GAD2: variants seen among roughly 807,000 people sequenced by gnomAD.
GAD2 encodes the protein glutamate decarboxylase 2.
GAD2 carries 22 observed loss-of-function variants against 80.1 expected under a neutral mutation model. The ratio of observed to expected loss-of-function variants is 0.27; its 90% confidence interval spans 0.20 to 0.39. The LOEUF (loss-of-function observed/expected upper bound fraction) is 0.39. Among genes scored for constraint, GAD2 ranks in the 10% least tolerant of loss-of-function variants. GAD2 has a pLI of 1.00. For synonymous variants in GAD2, 274 were observed against 256.9 expected (o/e 1.07, Z -0.64); for missense variants, 624 against 738.4 (o/e 0.85, Z 1.80).
chr10:26,273,711 T>C lies in GAD2; in HGVS notation c.1157+11T>C. 6.2e-7 allele frequency: 1 copy of C among 1,609,540 alleles called. No homozygotes were observed. The highest frequency in any genetic ancestry group is 1.1e-5 in the South Asian group (1 of 90,558). On this transcript the variant is annotated intron_variant, in intron 11 of 15. Coordinates refer to ENST00000376261, the MANE Select transcript of GAD2 (RefSeq NM_001134366.2). Reference sequence around the variant, plus strand: ...GAGTGGCGTGGAGAGGTATGTTGCATTTTTCTTATTAACAACATAAAGTGT... The same window carrying C: ...GAGTGGCGTGGAGAGGTATGTTGCACTTTTCTTATTAACAACATAAAGTGT...
At chr10:26,294,803 G>A (rs975040932) in intron 15 of GAD2, among the ~76,000 whole-genome samples, 8 of 152,186 alleles carry the variant, frequency 5.3e-5, no homozygotes, top group African/African-American at 9.7e-5. Context: ...CAATAACAAC[G>A]AGAATAGGGG....
chr10:26,245,586 C>T (rs1240187341), intron 7 of GAD2, among the ~76,000 whole-genome samples: 3 of 151,838 alleles, frequency 2.0e-5, no homozygotes, highest in African/African-American at 7.3e-5. Flanking sequence ...TATAGGCGCC[C>T]GCCACCACAC....
chr10:26,226,824 G>A (rs1043061198), intron 6 of GAD2, among the ~76,000 whole-genome samples: 2 of 152,194 alleles, frequency 1.3e-5, no homozygotes, highest in African/African-American at 4.8e-5. Context: ...CTTTTGTGAT[G>A]TCACCTACAC....
intron 9 of GAD2, 59 bp from the exon 10 acceptor site, chr10:26,270,581 C>T (rs1004299479): frequency 1.6e-6 from 2 of 1,239,774 alleles, no homozygotes; most frequent in Admixed American, 1.7e-5. Flanking sequence ...TTTGAATCAG[C>T]TTTTTAAAAG....
intron 4 of GAD2, 128 bp downstream of exon 4, chr10:26,219,404 T>TA (rs1345664327): frequency 1.9e-5 from 12 of 617,438 alleles, no homozygotes; most frequent in African/African-American, 1.9e-4. Context: ...TTTCATCATG[T>TA]AAAAAATAGT....
At chr10:26,269,385 T>C (rs900151063) in intron 9 of GAD2, among the ~76,000 whole-genome samples, 12 of 152,274 alleles carry the variant, frequency 7.9e-5, no homozygotes, top group Non-Finnish European at 1.5e-5. Flanking sequence ...AAATATTATA[T>C]ACAGAGATAC....
At chr10:26,275,143 AAAAG>A (rs1845184229) in intron 11 of GAD2, among the ~76,000 whole-genome samples, 1 of 152,232 alleles carries the variant, frequency 6.6e-6, no homozygotes, top group African/African-American at 2.4e-5. Context: ...GAGAGACAAT[AAAAG>A]AGAGAGAGAG....
At chr10:26,237,951 G>C (rs921816267) in intron 7 of GAD2, among the ~76,000 whole-genome samples, 14 of 151,754 alleles carry the variant, frequency 9.2e-5, no homozygotes, top group Non-Finnish European at 1.8e-4. Flanking sequence ...AGGTTGCAGT[G>C]AGCTGAGATC....
chr10:26,291,095 C>T (rs1455715562), intron 13 of GAD2, among the ~76,000 whole-genome samples: 1 of 152,148 alleles, frequency 6.6e-6, no homozygotes, highest in African/African-American at 2.4e-5. Context: ...GAGAGTTGGC[C>T]AAAGCCATTC....
chr10:26,285,330 G>C (rs8190764), intron 12 of GAD2, among the ~76,000 whole-genome samples: 58,137 of 152,060 alleles, frequency 0.38, 13,062 homozygotes, highest in African/African-American at 0.64. Flanking sequence ...AGTGTTCTCA[G>C]TTTTAACTTC....
chr10:26,242,860 C>T (rs781764546), intron 7 of GAD2, among the ~76,000 whole-genome samples: 7 of 152,174 alleles, frequency 4.6e-5, no homozygotes, highest in Non-Finnish European at 1.0e-4. Context: ...TACTTATCCC[C>T]AGTTCGCCTT....
chr10:26,240,664 G>A (rs1313891845), intron 7 of GAD2, among the ~76,000 whole-genome samples: 2 of 151,652 alleles, frequency 1.3e-5, no homozygotes, highest in Non-Finnish European at 2.9e-5. Context: ...CCCAGGAGGC[G>A]GAGGTTGCAG....
chr10:26,271,837 G>A lies in GAD2; in HGVS notation c.1092+1081G>A, dbSNP rs891885165. Among the ~76,000 whole-genome samples the A allele has an allele frequency of 2.0e-5, 3 of 152,038 alleles. No individual in the cohort carries two copies. The East Asian group carries it at 5.8e-4, about 29-fold the overall frequency. ...TGCAGTGGCGTGATCTTAGCTCACC[G>A]CAACCTCCGCCTCCAGGGTTCAAGC... On this transcript the variant is annotated intron_variant, in intron 10 of 15. Transcript: ENST00000376261.
intron 8 of GAD2, among the ~76,000 whole-genome samples, chr10:26,258,738 C>G (rs1844973723): frequency 6.6e-6 from 1 of 151,924 alleles, no homozygotes; most frequent in Non-Finnish European, 1.5e-5. Context: ...GAATAATATT[C>G]CATCGTATGT....
chr10:26,229,515 G>A, intron 6 of GAD2, 147 bp from the exon 7 acceptor site: 2 of 613,856 alleles, frequency 3.3e-6, no homozygotes, highest in Non-Finnish European at 5.8e-6. Flanking sequence ...TAGCGCCTTT[G>A]AGTCTGAGGA....
intron 8 of GAD2, among the ~76,000 whole-genome samples, chr10:26,259,274 A>T (rs8190684): frequency 6.6e-6 from 1 of 152,236 alleles, no homozygotes; most frequent in East Asian, 1.9e-4. Context: ...TTGAGGAACC[A>T]TCATACTTTT....
At chr10:26,296,850 C>T (rs1028363810) in intron 15 of GAD2, among the ~76,000 whole-genome samples, 6 of 152,020 alleles carry the variant, frequency 3.9e-5, no homozygotes, top group African/African-American at 1.4e-4. Context: ...ATATTTAATA[C>T]AGACTCTTTG....
intron 12 of GAD2, among the ~76,000 whole-genome samples, chr10:26,285,380 T>A (rs71499386): frequency 6.6e-6 from 1 of 152,318 alleles, no homozygotes; most frequent in East Asian, 1.9e-4. Flanking sequence ...TCTTTTGTCG[T>A]GAGTCACAAA....
In GAD2 at chr10:26,280,665, C is replaced by T. The variant is rs1364828174; in HGVS notation, c.1158-344C>T. 3.9e-5 allele frequency among the ~76,000 whole-genome samples: 6 copies of T among 152,080 alleles called. 1 individual carries two copies. The East Asian group carries it at 1.2e-3, about 30-fold the overall frequency. On this transcript the variant is annotated intron_variant, in intron 11 of 15. Transcript: ENST00000376261. The stretch of plus-strand genomic sequence containing the variant: ...TGATTTTGGGGGTCCGAGATATTTT[C>T]CTTTCACACATATTTAAGAGTCTAC...
Sources: allele counts gnomAD v4.1 joint callset (sites outside exome capture counted in the v4.1 genomes callset), GRCh38; gene constraint gnomAD v4.1.1; transcripts MANE v1.5; gene names NCBI Gene and HGNC (gene_info 2026-07-23, HGNC 2026-07-21).